Variants in NOTUM observed in about 807,000 individuals in gnomAD.
NOTUM encodes the protein palmitoleoyl-protein carboxylesterase NOTUM.
Under a neutral mutation model 65.5 loss-of-function variants are expected in NOTUM, and 36 were observed. The ratio of observed to expected loss-of-function variants is 0.55; its 90% CI spans 0.42 to 0.73. NOTUM has a LOEUF of 0.73. Among genes scored for constraint, NOTUM ranks in the 30% least tolerant of loss-of-function variants. The pLI is 0.00. For synonymous variants in NOTUM, 356 were observed against 297.9 expected, an observed-to-expected ratio of 1.20 and a Z score of -2.01; for missense variants, 659 against 694.2, an observed-to-expected ratio of 0.95 and a Z score of 0.57.
Position 81,955,567 on chromosome 17 carries a change from C to T in NOTUM, c.989-23G>A, listed in dbSNP as rs774112847. On this transcript the variant is annotated intron_variant, in intron 8 of 10. Coordinates refer to ENST00000409678, the MANE Select transcript of NOTUM (RefSeq NM_178493.6). Reference sequence around the variant, plus strand: ...GGCCTGCGGGCGGCGGGGCTCAGTTCGGCCTCCCCTGACCCCCGCTGCTGC... The same window carrying T: ...GGCCTGCGGGCGGCGGGGCTCAGTTTGGCCTCCCCTGACCCCCGCTGCTGC... 16 of 1,602,600 alleles carry T rather than the reference C, an allele frequency of 1.0e-5. No individual in the cohort carries two copies. In the East Asian group the frequency reaches 1.1e-4, roughly 11 times the overall value.
In NOTUM at chr17:81,953,005, G is replaced by T. The variant is rs201500311; in HGVS notation, c.1447C>A (p.Leu483Met). The T allele has an allele frequency of 1.2e-6, 2 of 1,614,032 alleles. No homozygotes were observed. Among genetic ancestry groups the T allele is most frequent in the African/African-American group, 1.3e-5 (1 of 75,060 alleles). The part of the protein sequence containing the change: ...DMQTVAQPQG[L>M]EPSELLGMLS... Reference sequence around the variant, plus strand: ...ATCCCCAGCAGCTCACTGGGCTCCAGTCCCTGCGGCTGGGCCACCGTCTGC... The same window carrying T: ...ATCCCCAGCAGCTCACTGGGCTCCATTCCCTGCGGCTGGGCCACCGTCTGC... The change falls in exon 11 of 11, where the codon CTG becomes ATG. Residue 483 changes from leucine (L) to methionine (M), a missense_variant. Physicochemically the swap from Leu to Met is conservative, Grantham distance 15. Coordinates refer to ENST00000409678, the MANE Select transcript of NOTUM (RefSeq NM_178493.6).
In NOTUM at chr17:81,959,255, C is replaced by G. The variant is rs1160865295; in HGVS notation, c.472+216G>C. Reference sequence around the variant, plus strand: ...CTTCAACCCCTTGCCCTGCTTTGACCCTGGGGAGGGCCAGAGCCGCTGGGT... The same window carrying G: ...CTTCAACCCCTTGCCCTGCTTTGACGCTGGGGAGGGCCAGAGCCGCTGGGT... On this transcript the variant is annotated intron_variant, in intron 3 of 10. Transcript: ENST00000409678. The G allele has an allele frequency of 9.8e-6, 6 of 610,980 alleles. No individual in the cohort carries two copies. The Admixed American group carries it at 1.7e-4, about 18-fold the overall frequency. The allele number at this position is 610,980 out of a possible 1,614,324, so 37.8% of individuals were successfully genotyped here. A position where few individuals can be genotyped will look rare whatever the true frequency, so the allele number is the denominator to read the frequency against.
Position 81,959,552 on chromosome 17 carries a change from A to G in NOTUM, c.391T>C (p.Phe131Leu), listed in dbSNP as rs917693940. 3.9e-6 allele frequency: 6 copies of G among 1,548,878 alleles called. No individual in the cohort carries two copies. In the African/African-American group the frequency reaches 6.9e-5, roughly 18 times the overall value. ...CTGGAGTCGCAGTTCTCGCGGTTGAAGCAGTACCAGCCGCCTGCGGACACG... is the reference window on the plus strand; with the variant it reads ...CTGGAGTCGCAGTTCTCGCGGTTGAGGCAGTACCAGCCGCCTGCGGACACG... ...LLFLEGGWYCFNRENCDSRYD... is the reference protein window; with the variant it reads ...LLFLEGGWYCLNRENCDSRYD... Residue 131 changes from phenylalanine (F) to leucine (L), a missense_variant, in exon 3 of 11, where the codon TTC (phenylalanine) becomes CTC (leucine). Transcript: ENST00000409678.
At position 81,953,066 on chromosome 17, in the gene NOTUM, G is replaced by A. The variant is rs145943956; in HGVS notation, c.1386C>T (p.Asn462=). ...VRDQFTGQEM[N]VAQFLMHMGF... ...CCATGTGCATGAGGAACTGGGCCAC[G>A]TTCATCTCTTGCCCCGTGAACTGGT... Residue 462 remains asparagine (N), a synonymous_variant, in exon 11 of 11, where the codon AAC becomes AAT. Transcript: ENST00000409678. 2.5e-4 allele frequency: 398 copies of A among 1,613,954 alleles called. No individual in the cohort carries two copies. In the Middle Eastern group the frequency reaches 2.6e-3, roughly 11 times the overall value.
chr17:81,953,821 C>A (rs534732703), intron 10 of NOTUM, among the ~76,000 whole-genome samples: 1 of 150,592 alleles, frequency 6.6e-6, no homozygotes, highest in Non-Finnish European at 1.5e-5. Flanking sequence ...CTCTTGTTGC[C>A]CCCAGGATGG....
intron 1 of NOTUM, 38 bp from the exon 2 acceptor site, chr17:81,959,730 C>G: frequency 8.0e-7 from 1 of 1,254,452 alleles, no homozygotes; most frequent in Non-Finnish European, 1.0e-6. Flanking sequence ...TCGGCCAGGG[C>G]TGCCGACCCG....
Position 81,960,519 on chromosome 17 carries a change from G to C in NOTUM, c.323+68C>G, listed in dbSNP as rs1423651130. 1 of 1,160,984 alleles carries C rather than the reference G, an allele frequency of 8.6e-7. No individual in the cohort carries two copies. Among genetic ancestry groups the C allele is most frequent in the Non-Finnish European group, 1.2e-6 (1 of 860,138 alleles). The allele number at this position is 1,160,984 out of a possible 1,614,324, so 71.9% of individuals were successfully genotyped here. A position where few individuals can be genotyped will look rare whatever the true frequency, so the allele number is the denominator to read the frequency against. On this transcript the variant is annotated intron_variant, in intron 1 of 10. Transcript: ENST00000409678. This position sits in a 1 kb window ranked among gnomAD's most constrained non-coding sequence, Gnocchi z 6.4. Reference sequence around the variant, plus strand: ...CCCGGGGAGAGAACGGCCGCGGCCCGCAGGGAAGGTCCAGCCGGAGACCGG... The same window carrying C: ...CCCGGGGAGAGAACGGCCGCGGCCCCCAGGGAAGGTCCAGCCGGAGACCGG...
At chr17:81,959,716 G>T (rs1598369504) in intron 1 of NOTUM, 24 bp from the exon 2 acceptor site, 2 of 1,421,524 alleles carry the variant, frequency 1.4e-6, no homozygotes, top group Non-Finnish European at 1.8e-6. Flanking sequence ...CGCACCGCGG[G>T]GGGTCGGCCA....
At position 81,960,788 on chromosome 17, in the gene NOTUM, G is replaced by A. The variant is rs542195084; in HGVS notation, c.122C>T (p.Ala41Val). ...QQPPPPPRTE[A>V]APAAGQPVES... ...CACGGGCTGTCCGGCCGCCGGCGCC[G>A]CCTCGGTCCGCGGGGGAGGAGGCGG... is the stretch of plus-strand genomic sequence containing the variant. Residue 41 changes from alanine to valine, a missense_variant, in exon 1 of 11, where the codon GCG becomes GTG. Physicochemically the swap from Ala to Val is moderately conservative, Grantham distance 64 (BLOSUM62 0). Transcript: ENST00000409678. The surrounding 1 kb of genome is among the most constrained non-coding windows in gnomAD (Gnocchi z 6.4). 5.1e-6 allele frequency: 8 copies of A among 1,557,732 alleles called. 1 individual carries two copies. In the South Asian group the frequency reaches 7.0e-5, roughly 14 times the overall value.
At chr17:81,958,865 C>T (rs2041453168) in intron 4 of NOTUM, 70 bp downstream of exon 4, 1 of 1,221,970 alleles carries the variant, frequency 8.2e-7, no homozygotes, top group East Asian at 2.3e-5. Context: ...TATGACTTCC[C>T]AAGGAAGGAC....
In NOTUM at chr17:81,956,893, G is replaced by C. The variant is rs754280791; in HGVS notation, c.877C>G (p.Arg293Gly). 6.2e-7 allele frequency: 1 copy of C among 1,609,962 alleles called. No individual in the cohort carries two copies. The highest frequency in any genetic ancestry group is 8.5e-7 in the Non-Finnish European group (1 of 1,178,806). The change falls in exon 7 of 11, where the codon CGT becomes GGT. Residue 293 changes from arginine (R) to glycine (G), a missense_variant. Arg to Gly is a moderately radical substitution (Grantham distance 125, BLOSUM62 -2). Transcript: ENST00000409678. ...TCCCCGCTGCGGCACCTGATGCCAC[G>C]GCGGATGGCCTCCGTGGGCGCGCAC... ...ITCAPTEAIR[R>G]GIRYWNGVVP...
chr17:81,956,058 C>T (rs1567938207), intron 8 of NOTUM, among the ~76,000 whole-genome samples: 1 of 152,162 alleles, frequency 6.6e-6, no homozygotes, highest in African/African-American at 2.4e-5. Flanking sequence ...TTCCTTCTTT[C>T]AAACCAGCCT....
chr17:81,955,475 C>T lies in NOTUM; in HGVS notation c.1058G>A (p.Gly353Glu). 1 of 1,610,444 alleles carries T rather than the reference C, an allele frequency of 6.2e-7. No individual in the cohort carries two copies. Among genetic ancestry groups the T allele is most frequent in the Non-Finnish European group, 8.5e-7 (1 of 1,178,852 alleles). ...QLTVDNVHLT[G>E]QPVQEGLRLY... ...CCGCAGGCCCTCCTGCACCGGCTGC[C>T]CCGTCAGGTGCACGTTGTCCACCGT... Residue 353 changes from glycine (G) to glutamate (E), a missense_variant, in exon 9 of 11, where the codon GGG (glycine) becomes GAG (glutamate). Transcript: ENST00000409678.
intron 4 of NOTUM, 137 bp from the exon 5 acceptor site, chr17:81,958,530 T>A: frequency 1.5e-6 from 1 of 648,360 alleles, no homozygotes; most frequent in South Asian, 1.7e-5. Flanking sequence ...AGGATAGAAC[T>A]TCCCCTCAAG....
rs2041400322 is a variant in NOTUM at position 81,953,135 on chromosome 17, G to T, written c.1317C>A (p.Ser439Arg). The T allele has an allele frequency of 6.2e-7, 1 of 1,613,106 alleles. No homozygotes were observed. Among genetic ancestry groups the T allele is most frequent in the Admixed American group, 1.7e-5 (1 of 59,990 alleles). Residue 439 changes from serine to arginine, a missense_variant, in exon 11 of 11, where the codon AGC (serine) becomes AGA (arginine). Transcript: ENST00000409678. The part of the protein sequence containing the change: ...LKGCPVHLVD[S>R]CPWPHCNPSC... ...AGGGGTTGCAGTGGGGCCAGGGGCA[G>T]CTGTCCACCAGGTGGACGGGGCAGC...
chr17:81,952,680 GGAC>G lies in NOTUM; in HGVS notation c.*278_*280del. The G allele has an allele frequency of 1.9e-6, 1 of 521,148 alleles. No individual in the cohort carries two copies. Among genetic ancestry groups the G allele is most frequent in the Non-Finnish European group, 3.4e-6 (1 of 293,580 alleles). 32.3% of individuals were successfully genotyped at this position (521,148 alleles called of 1,614,324 possible). On this transcript the variant is annotated 3_prime_UTR_variant, in exon 11 of 11. Coordinates refer to ENST00000409678, the MANE Select transcript of NOTUM (RefSeq NM_178493.6). ...GCCGGTGGGTGCTGTCTGAGCTGGT[GGAC>G]TGAGGAATCCAGTGCTTCTCTTCTG...
intron 5 of NOTUM, 64 bp from the exon 6 acceptor site, chr17:81,957,972 G>T: frequency 8.2e-7 from 1 of 1,225,862 alleles, no homozygotes; most frequent in Non-Finnish European, 1.2e-6. Context: ...TCCTACCCCA[G>T]AATGGCTGGC....
At position 81,955,548 on chromosome 17, in the gene NOTUM, C is replaced by G; in HGVS notation, c.989-4G>C. 1 of 1,607,766 alleles carries G rather than the reference C, an allele frequency of 6.2e-7. No individual in the cohort carries two copies. The highest frequency in any genetic ancestry group is 8.5e-7 in the Non-Finnish European group (1 of 1,177,480). ...CACTGCACCACGAACACAGGGCCTG[C>G]GGGCGGCGGGGCTCAGTTCGGCCTC... On this transcript the variant is annotated splice_polypyrimidine_tract_variant and splice_region_variant and intron_variant, in intron 8 of 10. Transcript: ENST00000409678.
rs774507755 is a variant in NOTUM at position 81,960,537 on chromosome 17, G to A, written c.323+50C>T. 2.3e-5 allele frequency: 30 copies of A among 1,311,350 alleles called. No individual in the cohort carries two copies. In the South Asian group the frequency reaches 4.5e-4, roughly 20 times the overall value. The allele number at this position is 1,311,350 out of a possible 1,614,324, so 81.2% of individuals were successfully genotyped here. On this transcript the variant is annotated intron_variant, in intron 1 of 10. Coordinates refer to ENST00000409678, the MANE Select transcript of NOTUM (RefSeq NM_178493.6). The surrounding 1 kb of genome is among the most constrained non-coding windows in gnomAD (Gnocchi z 6.4). ...GCGGCCCGCAGGGAAGGTCCAGCCG[G>A]AGACCGGGCGCGTCGGGCGGGGCGG...
Sources: allele counts gnomAD v4.1 joint callset (sites outside exome capture counted in the v4.1 genomes callset), GRCh38; gene constraint gnomAD v4.1.1; non-coding constraint Gnocchi (gnomAD v3.1); transcripts MANE v1.5; gene names NCBI Gene and HGNC (gene_info 2026-07-23, HGNC 2026-07-21).